DCC: variants seen among roughly 807,000 people sequenced by gnomAD.
DCC encodes the protein netrin receptor DCC.
A neutral mutation model predicts 172.5 loss-of-function variants in DCC; 58 were observed. That is an observed-to-expected ratio of 0.34 (90% CI 0.27 to 0.42). The LOEUF is 0.42. Among genes scored for constraint, DCC ranks in the 10% least tolerant of loss-of-function variants. The probability of loss-of-function intolerance (pLI) is 1.00; values close to 1 mark genes in which losing one functional copy is unlikely to be tolerated. For missense variants in DCC, 1,740 were observed against 1,791.0 expected (o/e 0.97, Z 0.51); for synonymous variants, 709 against 644.5 (o/e 1.10, Z -1.52).
chr18:53,495,901 T>C (rs1351207809), intron 26 of DCC, among the ~76,000 whole-genome samples: 1 of 152,126 alleles, frequency 6.6e-6, no homozygotes, highest in African/African-American at 2.4e-5. Context: ...AAGCTGGCTC[T>C]CTAGATTCCT....
intron 1 of DCC, among the ~76,000 whole-genome samples, chr18:52,491,444 A>C (rs1235337010): frequency 1.3e-5 from 2 of 152,092 alleles, no homozygotes; most frequent in African/African-American, 4.8e-5. Context: ...TTATCTTAGG[A>C]GATAGGGAGA....
At chr18:52,825,194 A>G (rs183471216) in intron 2 of DCC, among the ~76,000 whole-genome samples, 1 of 152,298 alleles carries the variant, frequency 6.6e-6, no homozygotes, top group South Asian at 2.1e-4. Context: ...AATGGATGCT[A>G]ACCATCCTAT....
At chr18:52,608,293 C>T (rs1484310750) in intron 1 of DCC, among the ~76,000 whole-genome samples, 1 of 152,082 alleles carries the variant, frequency 6.6e-6, no homozygotes, top group African/African-American at 2.4e-5. Flanking sequence ...CACAACAGAC[C>T]TTGTTTTGAA....
intron 13 of DCC, among the ~76,000 whole-genome samples, chr18:53,321,529 G>A (rs907378418): frequency 1.3e-5 from 2 of 152,090 alleles, no homozygotes; most frequent in Admixed American, 1.3e-4. Context: ...TATCTCTTGT[G>A]TGGAAGCTAA....
chr18:53,205,536 C>T (rs1466200672), intron 10 of DCC, among the ~76,000 whole-genome samples, 172 bp downstream of exon 10: 1 of 152,152 alleles, frequency 6.6e-6, no homozygotes, highest in Non-Finnish European at 1.5e-5. Flanking sequence ...GGAAACTTTA[C>T]ACAATTTAAT....
chr18:52,817,669 C>T (rs549724299), intron 2 of DCC, among the ~76,000 whole-genome samples: 6 of 151,920 alleles, frequency 3.9e-5, no homozygotes, highest in African/African-American at 1.4e-4. Flanking sequence ...AACGTATTTG[C>T]CTAATGTGTA....
At chr18:52,468,294 G>A (rs894151497) in intron 1 of DCC, among the ~76,000 whole-genome samples, 2 of 152,200 alleles carry the variant, frequency 1.3e-5, no homozygotes, top group Non-Finnish European at 2.9e-5. Flanking sequence ...GCGAGATGAT[G>A]TAGTAACCAC....
chr18:53,023,461 T>A (rs988255365), intron 5 of DCC, among the ~76,000 whole-genome samples: 1 of 130,714 alleles, frequency 7.7e-6, no homozygotes, highest in Admixed American at 8.2e-5. Context: ...ATTTTGGTAA[T>A]ACGTCTTCAA....
intron 24 of DCC, among the ~76,000 whole-genome samples, chr18:53,462,805 G>C (rs2036415): frequency 0.49 from 73,944 of 151,830 alleles, 19,009 homozygotes; most frequent in Non-Finnish European, 0.58. Context: ...TTCCTCTTCC[G>C]TCATGAGGCC....
At chr18:53,227,942 A>G (rs984855883) in intron 12 of DCC, among the ~76,000 whole-genome samples, 2 of 152,196 alleles carry the variant, frequency 1.3e-5, no homozygotes, top group South Asian at 4.1e-4. Flanking sequence ...AGGGATTTAT[A>G]TGTCAAGAAA....
At chr18:53,092,635 T>C (rs977695250) in intron 7 of DCC, among the ~76,000 whole-genome samples, 1 of 152,234 alleles carries the variant, frequency 6.6e-6, no homozygotes. Context: ...AAATTCAAGA[T>C]CTAACATGCA....
At chr18:52,825,594 C>T (rs1225767776) in intron 2 of DCC, among the ~76,000 whole-genome samples, 2 of 152,040 alleles carry the variant, frequency 1.3e-5, no homozygotes, top group African/African-American at 4.8e-5. Context: ...TACAACACTC[C>T]AAGGAAGTAT....
intron 7 of DCC, among the ~76,000 whole-genome samples, chr18:53,091,024 C>G (rs2042999628): frequency 6.6e-6 from 1 of 151,988 alleles, no homozygotes; most frequent in Admixed American, 6.6e-5. Flanking sequence ...ATTCCAGCAT[C>G]AGTTCCAAAT....
chr18:53,023,594 AC>A (rs1479938975), intron 5 of DCC, among the ~76,000 whole-genome samples: 7 of 151,928 alleles, frequency 4.6e-5, no homozygotes, highest in African/African-American at 1.7e-4. Context: ...TGGAGGAAAA[AC>A]AAAATCTGGA....
At chr18:53,174,238 A>C (rs1311207515) in intron 8 of DCC, among the ~76,000 whole-genome samples, 7 of 142,850 alleles carry the variant, frequency 4.9e-5, no homozygotes, top group Non-Finnish European at 7.6e-5. Flanking sequence ...GAAAGATCCA[A>C]AATTGACACC....
At chr18:53,102,388 G>A (rs193293206) in intron 7 of DCC, among the ~76,000 whole-genome samples, 66 of 152,128 alleles carry the variant, frequency 4.3e-4, no homozygotes, top group Non-Finnish European at 7.2e-4. Context: ...TGATCATTCC[G>A]TGTGTTTTTA....
chr18:53,006,308 T>C (rs1412004782), intron 5 of DCC, among the ~76,000 whole-genome samples: 1 of 152,200 alleles, frequency 6.6e-6, no homozygotes, highest in African/African-American at 2.4e-5. Context: ...CCTACCTAGA[T>C]TGATTAGAGC....
intron 22 of DCC, among the ~76,000 whole-genome samples, chr18:53,439,925 C>T (rs563685313): frequency 5.3e-5 from 8 of 150,944 alleles, no homozygotes; most frequent in African/African-American, 1.7e-4. Flanking sequence ...CCACTACGCC[C>T]GGCTAATTTT....
In DCC at chr18:52,776,452, A is replaced by T. The variant is rs192460339; in HGVS notation, c.412+24078A>T. On this transcript the variant is annotated intron_variant, in intron 2 of 28. Coordinates refer to ENST00000442544, the MANE Select transcript of DCC (RefSeq NM_005215.4). Reference sequence around the variant, plus strand: ...AGTCTATAAGATCTGTTCTATTTTTAAAAAAGCTGGAAGAAAAAGTAGGAT... The same window carrying T: ...AGTCTATAAGATCTGTTCTATTTTTTAAAAAGCTGGAAGAAAAAGTAGGAT... Among the ~76,000 whole-genome samples, 483 of 152,314 alleles carry T rather than the reference A, an allele frequency of 3.2e-3. 4 individuals carry two copies. Among genetic ancestry groups the T allele is most frequent in the Non-Finnish European group, 4.8e-3 (325 of 68,012 alleles).
Sources: allele counts gnomAD v4.1 joint callset (sites outside exome capture counted in the v4.1 genomes callset), GRCh38; gene constraint gnomAD v4.1.1; transcripts MANE v1.5; gene names NCBI Gene and HGNC (gene_info 2026-07-23, HGNC 2026-07-21).